GRM8: variants seen among roughly 807,000 people sequenced by gnomAD.
The protein encoded by GRM8 is metabotropic glutamate receptor 8.
In GRM8, 47 loss-of-function variants were observed where a neutral mutation model predicts 87.2. The observed-to-expected ratio is 0.54, with a 90% CI of 0.43 to 0.69. The LOEUF (loss-of-function observed/expected upper bound fraction) is 0.69, where lower values mean the gene tolerates loss of function less well. Ranked by LOEUF, GRM8 falls within the 30% of genes least tolerant of loss-of-function variation. GRM8 has a pLI of 0.00. For missense variants in GRM8, 1,019 were observed against 1,139.2 expected (o/e 0.89, Z 1.52); for synonymous variants, 396 against 404.5 (o/e 0.98, Z 0.25).
chr7:126,806,725 C>G (rs1353752242), intron 6 of GRM8, among the ~76,000 whole-genome samples: 1 of 152,248 alleles, frequency 6.6e-6, no homozygotes, highest in Non-Finnish European at 1.5e-5. Flanking sequence ...CGGCACCTAG[C>G]CAGCCACTCT....
In GRM8 at chr7:126,777,974, G is replaced by A. The variant is rs952759756; in HGVS notation, c.1157-7909C>T. On this transcript the variant is annotated intron_variant, in intron 6 of 10. Coordinates refer to ENST00000339582, the MANE Select transcript of GRM8 (RefSeq NM_000845.3). Reference sequence around the variant, plus strand: ...TTTAGTCTTGGAAGGTGGTGTGTCTGAGTCTATGCCTTTATATGATTTTTC... The same window carrying A: ...TTTAGTCTTGGAAGGTGGTGTGTCTAAGTCTATGCCTTTATATGATTTTTC... 7.2e-5 allele frequency among the ~76,000 whole-genome samples: 11 copies of A among 152,230 alleles called. No homozygotes were observed. In the South Asian group the frequency reaches 2.1e-3, roughly 29 times the overall value.
intron 9 of GRM8, among the ~76,000 whole-genome samples, chr7:126,481,370 C>T (rs12154953): frequency 0.31 from 46,866 of 151,772 alleles, 8,068 homozygotes; most frequent in Non-Finnish European, 0.37. Flanking sequence ...TTATCAATTA[C>T]CAATGAAAAA....
At chr7:126,823,896 T>C (rs79717726) in intron 6 of GRM8, among the ~76,000 whole-genome samples, 69 of 152,242 alleles carry the variant, frequency 4.5e-4, no homozygotes, top group African/African-American at 1.6e-3. Flanking sequence ...ATTTGCCTTC[T>C]CTCCTAGCTG....
chr7:127,152,811 AT>A (rs1216925352), intron 2 of GRM8, among the ~76,000 whole-genome samples: 1 of 152,198 alleles, frequency 6.6e-6, no homozygotes, highest in Non-Finnish European at 1.5e-5. Context: ...AAAACCATGA[AT>A]AAAAATAATT....
At chr7:126,665,493 T>C (rs569020846) in intron 7 of GRM8, among the ~76,000 whole-genome samples, 1 of 152,072 alleles carries the variant, frequency 6.6e-6, no homozygotes, top group African/African-American at 2.4e-5. Flanking sequence ...AGAAAATTAA[T>C]GCAGGAACAG....
At chr7:126,444,512 T>A (rs1801798343) in intron 10 of GRM8, among the ~76,000 whole-genome samples, 1 of 152,090 alleles carries the variant, frequency 6.6e-6, no homozygotes, top group African/African-American at 2.4e-5. Flanking sequence ...CTAAATTTGG[T>A]ATTGGTGACC....
intron 2 of GRM8, chr7:127,229,926 A>G (rs1034931254): frequency 1.3e-5 from 2 of 152,204 alleles, no homozygotes; most frequent in Non-Finnish European, 2.9e-5. Context: ...AATGCATTTA[A>G]TTTCTTTCTT....
At chr7:126,608,715 T>C (rs534630114) in intron 8 of GRM8, among the ~76,000 whole-genome samples, 1 of 151,718 alleles carries the variant, frequency 6.6e-6, no homozygotes, top group Admixed American at 6.6e-5. Flanking sequence ...CAACCAGATA[T>C]AGCCAGAAGG....
intron 2 of GRM8, among the ~76,000 whole-genome samples, chr7:127,115,559 C>G (rs963496066): frequency 6.6e-6 from 1 of 152,108 alleles, no homozygotes; most frequent in Non-Finnish European, 1.5e-5. Context: ...ATTTTGACTT[C>G]TAACCTGTTT....
chr7:126,499,058 T>C (rs1180663935), intron 9 of GRM8, among the ~76,000 whole-genome samples: 2 of 151,978 alleles, frequency 1.3e-5, no homozygotes, highest in Non-Finnish European at 2.9e-5. Flanking sequence ...CTATGAGAGA[T>C]TTACTCAGAA....
intron 3 of GRM8, among the ~76,000 whole-genome samples, chr7:126,922,864 C>G (rs905721143): frequency 2.6e-5 from 4 of 152,058 alleles, no homozygotes; most frequent in African/African-American, 9.7e-5. Context: ...TGGTCCTGCT[C>G]CTGCCATGTA....
chr7:126,619,631 GTTTTA>G (rs1325613799), intron 7 of GRM8, among the ~76,000 whole-genome samples: 5 of 152,070 alleles, frequency 3.3e-5, no homozygotes, highest in East Asian at 1.9e-4. Context: ...ACATTTTCCT[GTTTTA>G]TTTCTCTCCA....
intron 6 of GRM8, among the ~76,000 whole-genome samples, chr7:126,859,123 C>T (rs887620471): frequency 1.3e-5 from 2 of 152,202 alleles, no homozygotes; most frequent in East Asian, 3.9e-4. Flanking sequence ...CTGTGCCCAC[C>T]CCCAGTCCCC....
intron 8 of GRM8, among the ~76,000 whole-genome samples, chr7:126,601,758 TG>T (rs1365968270): frequency 6.1e-5 from 9 of 146,874 alleles, no homozygotes; most frequent in Non-Finnish European, 1.2e-4. Context: ...TCATGTCCTT[TG>T]CCCACTTTTT....
chr7:126,762,980 C>G (rs1349580575), intron 7 of GRM8, among the ~76,000 whole-genome samples: 1 of 151,700 alleles, frequency 6.6e-6, no homozygotes, highest in Non-Finnish European at 1.5e-5. Context: ...ATAAGTGAGA[C>G]TTAACATTTT....
At chr7:126,482,260 A>G (rs1048959882) in intron 9 of GRM8, among the ~76,000 whole-genome samples, 1 of 152,034 alleles carries the variant, frequency 6.6e-6, no homozygotes, top group Non-Finnish European at 1.5e-5. Flanking sequence ...CATAAAATTA[A>G]AAATAGAATT....
intron 10 of GRM8, among the ~76,000 whole-genome samples, chr7:126,439,668 C>G (rs1195740391): frequency 6.6e-6 from 1 of 152,008 alleles, no homozygotes; most frequent in Non-Finnish European, 1.5e-5. Context: ...TGTAAAATGG[C>G]CTCAGGCAGG....
intron 6 of GRM8, among the ~76,000 whole-genome samples, chr7:126,881,835 G>A (rs1391867506): frequency 6.6e-6 from 1 of 152,130 alleles, no homozygotes; most frequent in Non-Finnish European, 1.5e-5. Flanking sequence ...TCCCATAAGT[G>A]CTAAATGAAT....
intron 6 of GRM8, among the ~76,000 whole-genome samples, chr7:126,775,626 G>A (rs1046206743): frequency 1.3e-5 from 2 of 151,274 alleles, no homozygotes; most frequent in Admixed American, 6.6e-5. Flanking sequence ...ACATGAAAGT[G>A]TGCACCTCCC....
Sources: allele counts gnomAD v4.1 joint callset (sites outside exome capture counted in the v4.1 genomes callset), GRCh38; gene constraint gnomAD v4.1.1; transcripts MANE v1.5; gene names NCBI Gene and HGNC (gene_info 2026-07-23, HGNC 2026-07-21).